The following PHACTR1 variants were observed in gnomAD, a reference collection of about 807,000 sequenced individuals.
The protein encoded by PHACTR1 is phosphatase and actin regulator 1, also known as RPEL repeat containing 1.
PHACTR1 carries 16 observed loss-of-function variants against 69.2 expected under a neutral mutation model. The observed-to-expected ratio is 0.23, with a 90% CI of 0.16 to 0.35. The LOEUF (loss-of-function observed/expected upper bound fraction) is 0.35, where lower values mean the gene tolerates loss of function less well. Ranked by LOEUF, PHACTR1 falls within the 10% of genes least tolerant of loss-of-function variation. The pLI, the probability that PHACTR1 is intolerant of heterozygous loss-of-function variation, is 1.00. For missense variants in PHACTR1, 510 were observed against 734.7 expected, an observed-to-expected ratio of 0.69 and a Z score of 3.54; for synonymous variants, 312 against 284.5, an observed-to-expected ratio of 1.10 and a Z score of -0.97.
At chr6:13,005,793 A>G (rs1277679705) in intron 4 of PHACTR1, among the ~76,000 whole-genome samples, 1 of 152,140 alleles carries the variant, frequency 6.6e-6, no homozygotes, top group African/African-American at 2.4e-5. Flanking sequence ...GTCCCACTTT[A>G]ATACACCAGT....
At chr6:12,846,068 AC>A (rs1435171446) in intron 4 of PHACTR1, among the ~76,000 whole-genome samples, 1 of 90,092 alleles carries the variant, frequency 1.1e-5, no homozygotes, top group African/African-American at 5.2e-5. Context: ...TTCTTTAAAA[AC>A]AAACAAACAA....
chr6:13,053,037 T>C (rs1000478088), intron 4 of PHACTR1, among the ~76,000 whole-genome samples: 1 of 152,218 alleles, frequency 6.6e-6, no homozygotes, highest in African/African-American at 2.4e-5. Context: ...TTACACTGAC[T>C]CTCATTTGAA....
chr6:12,721,898 G>A (rs972517323), intron 3 of PHACTR1, among the ~76,000 whole-genome samples: 4 of 152,228 alleles, frequency 2.6e-5, no homozygotes, highest in Non-Finnish European at 5.9e-5. Context: ...ACATTGGCCG[G>A]ATTCAAGCTT....
At chr6:12,807,256 A>T (rs1774453693) in intron 4 of PHACTR1, among the ~76,000 whole-genome samples, 1 of 152,202 alleles carries the variant, frequency 6.6e-6, no homozygotes, top group South Asian at 2.1e-4. Context: ...TGTGGGAATG[A>T]ATATTATTTG....
intron 4 of PHACTR1, among the ~76,000 whole-genome samples, chr6:12,900,538 C>A (rs1413757501): frequency 6.6e-6 from 1 of 152,112 alleles, no homozygotes; most frequent in Non-Finnish European, 1.5e-5. Context: ...ACAAAAAATA[C>A]AAAAATACAC....
chr6:12,940,737 T>C (rs913251588), intron 4 of PHACTR1, among the ~76,000 whole-genome samples: 9 of 152,254 alleles, frequency 5.9e-5, no homozygotes, highest in African/African-American at 2.2e-4. Context: ...CTCTGAGTGC[T>C]GTGCTGCTCA....
intron 4 of PHACTR1, among the ~76,000 whole-genome samples, chr6:12,959,176 C>CAAAAAAAAAAAAAAAAAA (rs70989814): frequency 1.9e-4 from 9 of 46,252 alleles, no homozygotes; most frequent in African/African-American, 3.7e-4. Flanking sequence ...GACTTTATCT[C>CAAAAAAAAAAAAAAAAAA]AAAAAAAAAA....
At chr6:12,940,932 T>C (rs188608678) in intron 4 of PHACTR1, among the ~76,000 whole-genome samples, 4 of 152,330 alleles carry the variant, frequency 2.6e-5, no homozygotes, top group East Asian at 1.9e-4. Context: ...TAGCAATGGC[T>C]TCAAGGTGTC....
At chr6:13,247,326 C>CGTGT (rs60972913) in intron 10 of PHACTR1, among the ~76,000 whole-genome samples, 11,263 of 138,944 alleles carry the variant, frequency 0.081, 619 homozygotes, top group African/African-American at 0.16. Flanking sequence ...CAAGTTCCCT[C>CGTGT]GTGTGTGTGT....
At chr6:12,996,867 A>T (rs953166938) in intron 4 of PHACTR1, among the ~76,000 whole-genome samples, 1 of 152,204 alleles carries the variant, frequency 6.6e-6, no homozygotes, top group Non-Finnish European at 1.5e-5. Context: ...ATAACTTTTT[A>T]AAATTTATAA....
At chr6:12,792,840 CT>C (rs58524663) in intron 4 of PHACTR1, among the ~76,000 whole-genome samples, 2,571 of 120,362 alleles carry the variant, frequency 0.021, 20 homozygotes, top group African/African-American at 0.043. Flanking sequence ...TAAAGAGAAG[CT>C]TTTTTTTTTT....
At chr6:13,011,950 C>T (rs767414889) in intron 4 of PHACTR1, among the ~76,000 whole-genome samples, 17 of 152,290 alleles carry the variant, frequency 1.1e-4, no homozygotes, top group East Asian at 3.9e-4. Flanking sequence ...AGCCAGGGAC[C>T]GGGTGACATG....
chr6:13,229,914 C>A, intron 9 of PHACTR1, 123 bp from the exon 10 acceptor site: 1 of 1,142,624 alleles, frequency 8.8e-7, no homozygotes, highest in Non-Finnish European at 1.2e-6. Flanking sequence ...AGGCATTAAC[C>A]ACTTTCAGGT....
At chr6:12,930,283 A>G (rs1788724004) in intron 4 of PHACTR1, among the ~76,000 whole-genome samples, 1 of 152,116 alleles carries the variant, frequency 6.6e-6, no homozygotes, top group Non-Finnish European at 1.5e-5. Context: ...GGGCTCAAGC[A>G]GTCCTCCCAC....
chr6:12,767,536 C>T (rs988350378), intron 4 of PHACTR1, among the ~76,000 whole-genome samples: 2 of 152,154 alleles, frequency 1.3e-5, no homozygotes, highest in African/African-American at 4.8e-5. Context: ...GAGCACCTGA[C>T]TTGCTGCAAG....
At chr6:13,174,510 CATA>C (rs899104725) in intron 6 of PHACTR1, among the ~76,000 whole-genome samples, 1 of 152,224 alleles carries the variant, frequency 6.6e-6, no homozygotes, top group Non-Finnish European at 1.5e-5. Context: ...ACTTCACTTA[CATA>C]ATGTTTCTTT....
intron 10 of PHACTR1, among the ~76,000 whole-genome samples, chr6:13,240,157 G>T (rs1019134774): frequency 6.6e-6 from 1 of 151,960 alleles, no homozygotes; most frequent in Non-Finnish European, 1.5e-5. Flanking sequence ...TCAAATTTTG[G>T]GTGCAGGGGG....
In PHACTR1 at chr6:12,981,409, G is replaced by T. The variant is rs369045559; in HGVS notation, c.251-71956G>T. ...ATATTCTGATTACTACCATGAATAG[G>T]AAGAAAACCTTTAAATTAAATGAAG... On this transcript the variant is annotated intron_variant, in intron 4 of 14. Transcript: ENST00000332995. 1.4e-4 allele frequency among the ~76,000 whole-genome samples: 21 copies of T among 152,286 alleles called. No homozygotes were observed. In the South Asian group the frequency reaches 4.4e-3, roughly 32 times the overall value.
chr6:13,005,838 C>T (rs974896280), intron 4 of PHACTR1, among the ~76,000 whole-genome samples: 2 of 152,114 alleles, frequency 1.3e-5, no homozygotes, highest in African/African-American at 4.8e-5. Flanking sequence ...AGCTGACTAC[C>T]TACAACTCCC....
Sources: allele counts gnomAD v4.1 joint callset (sites outside exome capture counted in the v4.1 genomes callset), GRCh38; gene constraint gnomAD v4.1.1; transcripts MANE v1.5; gene names NCBI Gene and HGNC (gene_info 2026-07-23, HGNC 2026-07-21).